VDAC1: variants seen among roughly 807,000 people sequenced by gnomAD.
The protein encoded by VDAC1 is non-selective voltage-gated ion channel VDAC1.
VDAC1 carries 10 observed loss-of-function variants against 34.7 expected under a neutral mutation model. That is an observed-to-expected ratio of 0.29 (90% CI 0.18 to 0.49). VDAC1 has a LOEUF of 0.49. Among genes scored for constraint, VDAC1 ranks in the 20% least tolerant of loss-of-function variants. The pLI is 0.99. For missense variants in VDAC1, 230 were observed against 347.9 expected (o/e 0.66, Z 2.69); for synonymous variants, 130 against 136.0 (o/e 0.96, Z 0.30).
intron 6 of VDAC1, 33 bp downstream of exon 6, chr5:133,980,696 C>CCCCCCCCCCCT: frequency 1.7e-6 from 1 of 601,600 alleles, no homozygotes; most frequent in Non-Finnish European, 3.1e-6. Flanking sequence ...CCAACCCCAC[C>CCCCCCCCCCCT]CCTCCCACCC....
chr5:134,045,575 A>C, the VDAC1 span, among the ~76,000 whole-genome samples: 1 of 151,938 alleles, frequency 6.6e-6, no homozygotes, highest in Non-Finnish European at 1.5e-5. Context: ...CCATTGTCTC[A>C]TCTCTTCTAA....
the VDAC1 span, among the ~76,000 whole-genome samples, chr5:134,110,707 C>T: frequency 1.3e-5 from 2 of 152,218 alleles, no homozygotes; most frequent in African/African-American, 2.4e-5. Context: ...CAGGAAGAGA[C>T]GCCGCTCACA....
At chr5:134,018,666 G>C in the VDAC1 span, among the ~76,000 whole-genome samples, 2 of 152,184 alleles carry the variant, frequency 1.3e-5, no homozygotes, top group Admixed American at 1.3e-4. Context: ...TGTCATGCCA[G>C]ATAGGAGGAT....
chr5:134,108,930 C>G, the VDAC1 span, among the ~76,000 whole-genome samples: 1 of 152,148 alleles, frequency 6.6e-6, no homozygotes, highest in African/African-American at 2.4e-5. Flanking sequence ...GACCTAGGAC[C>G]TCCTTCCTCC....
At chr5:134,011,324 T>C in the VDAC1 span, among the ~76,000 whole-genome samples, 22 of 152,136 alleles carry the variant, frequency 1.4e-4, no homozygotes, top group Admixed American at 1.3e-3. Context: ...TTAATGGGGT[T>C]ATTTGTTTTT....
chr5:133,985,633 G>C (rs537234325), intron 5 of VDAC1, among the ~76,000 whole-genome samples: 1 of 152,132 alleles, frequency 6.6e-6, no homozygotes, highest in Non-Finnish European at 1.5e-5. Context: ...CAGCCTGAGC[G>C]ACAGAGCAAG....
the VDAC1 span, among the ~76,000 whole-genome samples, chr5:134,064,825 C>G: frequency 6.6e-6 from 1 of 151,706 alleles, no homozygotes; most frequent in South Asian, 2.1e-4. Flanking sequence ...TCAAGTGATC[C>G]TCCCACCTCA....
the VDAC1 span, among the ~76,000 whole-genome samples, chr5:134,060,456 A>T: frequency 6.6e-6 from 1 of 151,970 alleles, no homozygotes; most frequent in Non-Finnish European, 1.5e-5. Flanking sequence ...CTTTTCCAAT[A>T]ATCGTGTTTC....
At chr5:134,107,286 C>A in the VDAC1 span, among the ~76,000 whole-genome samples, 1 of 152,244 alleles carries the variant, frequency 6.6e-6, no homozygotes, top group Non-Finnish European at 1.5e-5. Flanking sequence ...CCCTAGAGAG[C>A]CCCCAGCCTC....
intron 1 of VDAC1, among the ~76,000 whole-genome samples, chr5:133,995,020 A>G (rs1034251513): frequency 2.0e-5 from 3 of 152,190 alleles, no homozygotes; most frequent in Admixed American, 1.3e-4. Flanking sequence ...ATAAAGGCAG[A>G]GCACTCATCC....
intron 1 of VDAC1, among the ~76,000 whole-genome samples, chr5:133,995,300 C>CA (rs1753255669): frequency 6.6e-6 from 1 of 152,256 alleles, no homozygotes; most frequent in Non-Finnish European, 1.5e-5. Flanking sequence ...GTACCAGCAG[C>CA]ACGCAAGTGA....
At chr5:133,982,491 G>A (rs185451457) in intron 5 of VDAC1, among the ~76,000 whole-genome samples, 7,664 of 128,710 alleles carry the variant, frequency 0.06, 224 homozygotes, top group East Asian at 0.15. Flanking sequence ...CAGCCTGGGC[G>A]ACAGAGTAAG....
intron 1 of VDAC1, among the ~76,000 whole-genome samples, chr5:134,004,143 G>C (rs947249769): frequency 1.3e-5 from 2 of 152,174 alleles, no homozygotes; most frequent in African/African-American, 4.8e-5. Context: ...CGGCCAGGGC[G>C]CGTGGGCCTG....
the VDAC1 span, among the ~76,000 whole-genome samples, chr5:134,097,560 C>T: frequency 6.6e-6 from 1 of 152,242 alleles, no homozygotes; most frequent in African/African-American, 2.4e-5. Flanking sequence ...CGTAGGGGAG[C>T]CTCTTCCTGG....
chr5:134,003,895 GT>G (rs1309229359), intron 1 of VDAC1, among the ~76,000 whole-genome samples: 1 of 152,224 alleles, frequency 6.6e-6, no homozygotes, highest in African/African-American at 2.4e-5. Flanking sequence ...CTCCGAAACA[GT>G]TTCCAGAATG....
chr5:134,000,898 T>C (rs1753524342), intron 1 of VDAC1, among the ~76,000 whole-genome samples: 1 of 152,138 alleles, frequency 6.6e-6, no homozygotes, highest in Non-Finnish European at 1.5e-5. Flanking sequence ...CCAGAGTCCT[T>C]CATGTCCACA....
chr5:134,002,072 C>T (rs1267055412), intron 1 of VDAC1, among the ~76,000 whole-genome samples: 1 of 150,988 alleles, frequency 6.6e-6, no homozygotes. Flanking sequence ...ACATGCGCCT[C>T]TTCCAGTCAC....
the VDAC1 span, among the ~76,000 whole-genome samples, chr5:134,018,204 A>G: frequency 6.6e-6 from 1 of 152,220 alleles, no homozygotes; most frequent in African/African-American, 2.4e-5. Flanking sequence ...CAATCATGGC[A>G]GAAGGCCAAC....
At chr5:134,049,375 T>G in the VDAC1 span, among the ~76,000 whole-genome samples, 2 of 152,220 alleles carry the variant, frequency 1.3e-5, no homozygotes, top group Non-Finnish European at 2.9e-5. Context: ...ATGACAGGTG[T>G]GAGCCACCAT....
Sources: gnomAD v4.1 joint callset for allele counts (sites outside exome capture counted in the v4.1 genomes callset) on GRCh38, gnomAD v4.1.1 for gene constraint, MANE v1.5 for transcripts, NCBI Gene and HGNC (gene_info 2026-07-23, HGNC 2026-07-21) for gene names.